Variants in KCNMB2 observed in about 807,000 individuals in gnomAD.
KCNMB2 encodes the protein potassium calcium-activated channel subfamily M regulatory beta subunit 2, also known as calcium-activated potassium channel subunit beta-2.
Under a neutral mutation model 24.5 loss-of-function variants are expected in KCNMB2, and 9 were observed. That is an observed-to-expected ratio of 0.37 (90% CI 0.22 to 0.64). The LOEUF (loss-of-function observed/expected upper bound fraction) is 0.64. Ranked by LOEUF, KCNMB2 falls within the 30% of genes least tolerant of loss-of-function variation. KCNMB2 has a pLI of 0.63. For synonymous variants in KCNMB2, 109 were observed against 104.4 expected (o/e 1.04, Z -0.27); for missense variants, 226 against 284.3 (o/e 0.79, Z 1.47).
At chr3:178,778,462 A>ACGCACGCACGTGCGCGCGTGCGCGCG (rs1437410515) in intron 1 of KCNMB2, among the ~76,000 whole-genome samples, 1 of 63,538 alleles carries the variant, frequency 1.6e-5, no homozygotes, top group Non-Finnish European at 3.0e-5. Flanking sequence ...TAAGACACAC[A>ACGCACGCACGTGCGCGCGTGCGCGCG]CACACACACA....
rs374788026 is a variant in KCNMB2, at chr3:178,795,575, G to A, written c.-67-11768G>A. On this transcript the variant is annotated intron_variant, in intron 1 of 4. Transcript: ENST00000452583. ...GAGGGCCCTCCTCAGGCTTCTTCTG[G>A]TATCTGGCTTTGCTGGCCTTGGAGT... Among the ~76,000 whole-genome samples the A allele has an allele frequency of 3.4e-4, 52 of 152,214 alleles. 1 individual carries two copies. The South Asian group carries it at 0.01, about 30-fold the overall frequency.
intron 1 of KCNMB2, among the ~76,000 whole-genome samples, chr3:178,726,818 A>C (rs1468316578): frequency 6.6e-6 from 1 of 152,106 alleles, no homozygotes; most frequent in Non-Finnish European, 1.5e-5. Context: ...CATTGAGCCA[A>C]TGTAGCTCAA....
intron 1 of KCNMB2, among the ~76,000 whole-genome samples, chr3:178,753,275 C>T (rs1723910494): frequency 6.6e-6 from 1 of 152,170 alleles, no homozygotes; most frequent in Non-Finnish European, 1.5e-5. Flanking sequence ...TATTTCTGGA[C>T]CTCATTTACC....
At chr3:178,828,131 A>T (rs758696043) in intron 3 of KCNMB2, 47 bp from the exon 4 acceptor site, 1 of 1,389,576 alleles carries the variant, frequency 7.2e-7, no homozygotes, top group Non-Finnish European at 1.0e-6. Context: ...TACCTTTCTC[A>T]CTATTAGCTC....
At chr3:178,543,220 C>T (rs1221265937) in intron 1 of KCNMB2, among the ~76,000 whole-genome samples, 2 of 152,132 alleles carry the variant, frequency 1.3e-5, no homozygotes, top group East Asian at 1.9e-4. Flanking sequence ...GACATTTGCT[C>T]ACTGCTTATT....
At chr3:178,722,680 C>T (rs1232073661) in intron 1 of KCNMB2, among the ~76,000 whole-genome samples, 3 of 152,048 alleles carry the variant, frequency 2.0e-5, no homozygotes, top group African/African-American at 7.2e-5. Context: ...ATGGCTTGTG[C>T]TCTGGAGTTC....
At chr3:178,762,767 T>C (rs1711959875) in intron 1 of KCNMB2, among the ~76,000 whole-genome samples, 1 of 149,340 alleles carries the variant, frequency 6.7e-6, no homozygotes, top group Non-Finnish European at 1.5e-5. Flanking sequence ...GAAAGCATGA[T>C]GAAATAGAAA....
intron 1 of KCNMB2, among the ~76,000 whole-genome samples, chr3:178,576,798 T>TCCTC (rs1560115947): frequency 1.3e-5 from 2 of 152,140 alleles, no homozygotes; most frequent in Non-Finnish European, 2.9e-5. Context: ...TCTAGATTCA[T>TCCTC]CCTCCCTGGG....
chr3:178,581,851 A>T (rs1386846769), intron 1 of KCNMB2, among the ~76,000 whole-genome samples: 2 of 152,260 alleles, frequency 1.3e-5, no homozygotes, highest in African/African-American at 2.4e-5. Context: ...GGCAATCATT[A>T]AAAAGGCAGG....
chr3:178,602,275 G>A (rs934129641), intron 1 of KCNMB2, among the ~76,000 whole-genome samples: 1 of 151,902 alleles, frequency 6.6e-6, no homozygotes, highest in Non-Finnish European at 1.5e-5. Flanking sequence ...ATATAGGGCA[G>A]AAACCAGAAT....
intron 1 of KCNMB2, among the ~76,000 whole-genome samples, chr3:178,753,709 T>C (rs1358793646): frequency 1.3e-5 from 2 of 152,220 alleles, no homozygotes; most frequent in African/African-American, 4.8e-5. Flanking sequence ...TACAATGTGA[T>C]GTGTTGATAT....
At chr3:178,626,205 T>C (rs1351032520) in intron 1 of KCNMB2, among the ~76,000 whole-genome samples, 1 of 152,126 alleles carries the variant, frequency 6.6e-6, no homozygotes, top group Non-Finnish European at 1.5e-5. Flanking sequence ...GGACCTGGAG[T>C]CAGAGAGACT....
chr3:178,599,464 C>T (rs1718000234), intron 1 of KCNMB2, among the ~76,000 whole-genome samples: 1 of 152,094 alleles, frequency 6.6e-6, no homozygotes, highest in East Asian at 1.9e-4. Context: ...AAAGTATGTG[C>T]TATCAAAACA....
At chr3:178,740,589 C>T (rs1173225585) in intron 1 of KCNMB2, among the ~76,000 whole-genome samples, 1 of 152,132 alleles carries the variant, frequency 6.6e-6, no homozygotes, top group African/African-American at 2.4e-5. Context: ...GCTTAGTATG[C>T]CATACAAAAT....
chr3:178,634,446 A>G (rs1296137583), intron 1 of KCNMB2, among the ~76,000 whole-genome samples: 1 of 152,132 alleles, frequency 6.6e-6, no homozygotes, highest in Non-Finnish European at 1.5e-5. Context: ...CCTTCTTCAC[A>G]TGGTGGCAGC....
chr3:178,647,697 C>T (rs549026515), intron 1 of KCNMB2, among the ~76,000 whole-genome samples: 2 of 152,036 alleles, frequency 1.3e-5, no homozygotes, highest in Admixed American at 6.6e-5. Context: ...ATAACCAAGG[C>T]AGTTTTATTT....
At chr3:178,601,165 AGGGAAACATTACATATGG>A (rs1718068930) in intron 1 of KCNMB2, among the ~76,000 whole-genome samples, 1 of 116,806 alleles carries the variant, frequency 8.6e-6, no homozygotes, top group African/African-American at 3.3e-5. Flanking sequence ...GGGCACAGTG[AGGGAAACATTACATATGG>A]GGGCCTGTCA....
intron 1 of KCNMB2, among the ~76,000 whole-genome samples, chr3:178,690,000 AAT>A (rs762323311): frequency 2.0e-5 from 3 of 152,242 alleles, no homozygotes; most frequent in Admixed American, 6.5e-5. Flanking sequence ...GCAAATTTGA[AAT>A]AGTGTGATAT....
intron 1 of KCNMB2, among the ~76,000 whole-genome samples, chr3:178,759,982 CCAAGAGGATATATA>C (rs1291976516): frequency 1.6e-4 from 1 of 6,394 alleles, no homozygotes; most frequent in Non-Finnish European, 2.7e-4. Flanking sequence ...ATATATATAT[CCAAGAGGATATATA>C]TATATATATA....
Sources: gnomAD v4.1 joint callset for allele counts (sites outside exome capture counted in the v4.1 genomes callset) on GRCh38, gnomAD v4.1.1 for gene constraint, MANE v1.5 for transcripts, NCBI Gene and HGNC (gene_info 2026-07-23, HGNC 2026-07-21) for gene names.